Variants in IFT46 observed in about 807,000 individuals in gnomAD.
IFT46 encodes intraflagellar transport 46, also known as intraflagellar transport protein 46 homolog.
A neutral mutation model predicts 39.6 loss-of-function variants in IFT46; 19 were observed. That is an observed-to-expected ratio of 0.48 (90% CI 0.33 to 0.70). IFT46 has a LOEUF of 0.70. Among genes scored for constraint, IFT46 ranks in the 30% least tolerant of loss-of-function variants. The pLI is 0.01. For missense variants in IFT46, 334 were observed against 364.8 expected (o/e 0.92, Z 0.69); for synonymous variants, 117 against 134.8 (o/e 0.87, Z 0.91).
intron 9 of IFT46, among the ~76,000 whole-genome samples, chr11:118,549,139 T>C (rs2135480997): frequency 6.6e-6 from 1 of 151,890 alleles, no homozygotes; most frequent in Admixed American, 6.6e-5. Flanking sequence ...CCTCAGGTGA[T>C]GCGCCCACCT....
Position 118,556,934 on chromosome 11 carries a change from C to T in IFT46, c.157G>A (p.Asp53Asn), listed in dbSNP as rs1555069622. ...TCCAGAGGGGCTCCATGCTCTTCAT[C>T]ATCATCATCAGAATCAGAATCAGTT... ...SETDSDSDDD[D>N]EEHGAPLEGA... is the part of the protein sequence containing the mutation. Residue 53 changes from aspartate to asparagine, a missense_variant, in exon 4 of 12, where the codon GAT becomes AAT. By Grantham distance (23) the Asp-to-Asn change is conservative. Coordinates refer to ENST00000264021, the MANE Select transcript of IFT46 (RefSeq NM_001168618.2). 11 of 1,609,470 alleles carry T rather than the reference C, an allele frequency of 6.8e-6. No individual in the cohort carries two copies. Among genetic ancestry groups the T allele is most frequent in the Non-Finnish European group, 9.3e-6 (11 of 1,177,542 alleles).
chr11:118,574,193 T>C (rs921658598), upstream of IFT46, among the ~76,000 whole-genome samples: 15 of 152,188 alleles, frequency 9.9e-5, 2 homozygotes, highest in Admixed American at 7.2e-4. Context: ...CTTAACATGA[T>C]CCAGATACCC....
At chr11:118,545,377 C>T (rs1054394271) in intron 11 of IFT46, 32 bp downstream of exon 11, 6 of 1,468,684 alleles carry the variant, frequency 4.1e-6, no homozygotes, top group Non-Finnish European at 4.8e-6. Context: ...ATCCTCTCTA[C>T]AGCTTAAGTC....
At chr11:118,560,607 A>T (rs1555070416) in intron 2 of IFT46, 1 of 368,676 alleles carries the variant, frequency 2.7e-6, no homozygotes, top group African/African-American at 2.1e-5. Flanking sequence ...AATTACTTAA[A>T]ATGATTTTGC....
chr11:118,545,873 A>C lies in IFT46; in HGVS notation c.673-20T>G, dbSNP rs1160707783. On this transcript the variant is annotated intron_variant, in intron 9 of 11. Transcript: ENST00000264021. ...GCTTACCTGGAAGGGGCATGGAAGG[A>C]CCAAAGTCAAAAGGATGGTGTCAGT... 6.2e-7 allele frequency: 1 copy of C among 1,612,696 alleles called. No individual in the cohort carries two copies. Among genetic ancestry groups the C allele is most frequent in the Non-Finnish European group, 8.5e-7 (1 of 1,178,846 alleles).
intron 9 of IFT46, chr11:118,546,910 T>TA (rs1951700353): frequency 6.6e-6 from 1 of 151,256 alleles, no homozygotes; most frequent in South Asian, 2.1e-4. Flanking sequence ...GTGAAGTTTT[T>TA]AAACTACTGG....
At chr11:118,571,011 G>A (rs1938325368), upstream of IFT46, among the ~76,000 whole-genome samples, 1 of 152,036 alleles carries the variant, frequency 6.6e-6, no homozygotes, top group Non-Finnish European at 1.5e-5. Flanking sequence ...AAGTAGCTGG[G>A]ACTCTAGGAT....
At chr11:118,551,710 G>C in intron 9 of IFT46, 76 bp downstream of exon 9, 3 of 1,006,336 alleles carry the variant, frequency 3.0e-6, no homozygotes, top group South Asian at 2.8e-5. Context: ...AATAATAATG[G>C]AGGAAGAGAA....
At chr11:118,549,095 T>C (rs1418604864) in intron 9 of IFT46, among the ~76,000 whole-genome samples, 1 of 151,754 alleles carries the variant, frequency 6.6e-6, no homozygotes, top group Non-Finnish European at 1.5e-5. Flanking sequence ...AACGGGGTTT[T>C]GCCATGTTGG....
At chr11:118,572,815 T>G in exon 1 of IFT46, 1 of 440,036 alleles carries the variant, frequency 2.3e-6, no homozygotes, top group Non-Finnish European at 4.1e-6. Context: ...GACCTGCCCC[T>G]GAGACGGCCC....
At position 118,545,230 on chromosome 11, in the gene IFT46, A is replaced by G. The variant is rs143782568; in HGVS notation, c.819+179T>C. Among the ~76,000 whole-genome samples the G allele has an allele frequency of 4.3e-3, 643 of 150,946 alleles. 6 individuals carry two copies. Among genetic ancestry groups the G allele is most frequent in the African/African-American group, 0.015 (601 of 41,084 alleles). Reference sequence around the variant, plus strand: ...TTCCACCCACCCTTTTTTTTCCTCCACTTTCCCCTTGAAAACTCCATCCCT... The same window carrying G: ...TTCCACCCACCCTTTTTTTTCCTCCGCTTTCCCCTTGAAAACTCCATCCCT... On this transcript the variant is annotated intron_variant, in intron 11 of 11. Coordinates refer to ENST00000264021, the MANE Select transcript of IFT46 (RefSeq NM_001168618.2).
intron 9 of IFT46, among the ~76,000 whole-genome samples, chr11:118,547,808 G>C (rs1951726795): frequency 7.1e-6 from 1 of 141,426 alleles, no homozygotes; most frequent in African/African-American, 2.6e-5. Flanking sequence ...GTGTAGTGGC[G>C]CTATCTTGGC....
At chr11:118,572,534 C>T in intron 1 of IFT46, 1 of 1,611,594 alleles carries the variant, frequency 6.2e-7, no homozygotes, top group South Asian at 1.1e-5. Flanking sequence ...GCGCGCCCCA[C>T]CACCGCCCTC....
intron 7 of IFT46, among the ~76,000 whole-genome samples, chr11:118,553,685 C>G (rs553155326): frequency 6.6e-6 from 1 of 152,140 alleles, no homozygotes; most frequent in South Asian, 2.1e-4. Flanking sequence ...CAATATATAC[C>G]TACACAAAAA....
upstream of IFT46, among the ~76,000 whole-genome samples, chr11:118,567,251 C>G (rs2135517728): frequency 6.6e-6 from 1 of 151,784 alleles, no homozygotes; most frequent in South Asian, 2.1e-4. Flanking sequence ...GATCAAGACC[C>G]CATCTCAAAT....
chr11:118,559,648 T>C (rs1354952763), intron 3 of IFT46, 137 bp downstream of exon 3: 2 of 717,458 alleles, frequency 2.8e-6, no homozygotes, highest in African/African-American at 3.6e-5. Context: ...TTGTAACTGA[T>C]TTTCCTCCAT....
chr11:118,553,913 G>A (rs1474888378), intron 7 of IFT46, among the ~76,000 whole-genome samples: 1 of 152,116 alleles, frequency 6.6e-6, no homozygotes. Context: ...AAATTAGGTA[G>A]TGGTGATGGC....
intron 9 of IFT46, among the ~76,000 whole-genome samples, chr11:118,547,982 G>A (rs544605612): frequency 6.7e-6 from 1 of 150,000 alleles, no homozygotes; most frequent in Admixed American, 6.6e-5. Context: ...TCCTGACTTC[G>A]TGATCCGCCC....
At chr11:118,552,973 C>T (rs891046916) in intron 7 of IFT46, among the ~76,000 whole-genome samples, 4 of 150,994 alleles carry the variant, frequency 2.6e-5, no homozygotes, top group East Asian at 3.9e-4. Flanking sequence ...TGGTCTGTCC[C>T]GGCTACTTGG....
Sources: allele counts gnomAD v4.1 joint callset (sites outside exome capture counted in the v4.1 genomes callset), GRCh38; gene constraint gnomAD v4.1.1; transcripts MANE v1.5; gene names NCBI Gene and HGNC (gene_info 2026-07-23, HGNC 2026-07-21).